The following SPAG16 variants were observed in gnomAD, a reference collection of about 807,000 sequenced individuals.
SPAG16 encodes the protein sperm-associated antigen 16 protein.
SPAG16 carries 86 observed loss-of-function variants against 80.4 expected under a neutral mutation model. That is an observed-to-expected ratio of 1.07 (90% CI 0.90 to 1.28). The LOEUF (loss-of-function observed/expected upper bound fraction) is 1.28. SPAG16 is among the 50% of genes most tolerant of loss of function. SPAG16 has a pLI of 0.00. For missense variants in SPAG16, 870 were observed against 765.3 expected (o/e 1.14, Z -1.61); for synonymous variants, 294 against 265.9 (o/e 1.11, Z -1.03).
At chr2:214,145,127 A>C (rs1363356566) in intron 14 of SPAG16, among the ~76,000 whole-genome samples, 1 of 152,058 alleles carries the variant, frequency 6.6e-6, no homozygotes. Context: ...TATTTATTTA[A>C]ATTATTAATG....
chr2:214,113,592 C>T (rs1200057365), intron 14 of SPAG16, among the ~76,000 whole-genome samples: 1 of 152,126 alleles, frequency 6.6e-6, no homozygotes, highest in Non-Finnish European at 1.5e-5. Flanking sequence ...CACTGATACC[C>T]TTTCTTCCAC....
chr2:214,082,427 A>C lies in SPAG16; in HGVS notation c.1528-25769A>C, dbSNP rs1354775073. On this transcript the variant is annotated intron_variant, in intron 13 of 15. Coordinates refer to ENST00000331683, the MANE Select transcript of SPAG16 (RefSeq NM_024532.5). ...TTGGGAACCTGATACGTTGACTCTT[A>C]ATACTACTTTAGTTATACTGCCATT... Among the ~76,000 whole-genome samples the C allele has an allele frequency of 3.9e-5, 6 of 152,190 alleles. 1 individual carries two copies. In the South Asian group the frequency reaches 6.2e-4, roughly 16 times the overall value.
chr2:213,497,970 A>T (rs1023048903), intron 10 of SPAG16, among the ~76,000 whole-genome samples: 1 of 152,182 alleles, frequency 6.6e-6, no homozygotes, highest in African/African-American at 2.4e-5. Context: ...ACTGTATAAC[A>T]GAAAGGGAAA....
At chr2:214,403,805 G>A (rs77140293) in intron 15 of SPAG16, among the ~76,000 whole-genome samples, 2,130 of 152,246 alleles carry the variant, frequency 0.014, 27 homozygotes, top group Non-Finnish European at 0.021. Context: ...GAGTAATCAC[G>A]AAGTTAAGAA....
At chr2:213,398,473 C>T (rs188209887) in intron 9 of SPAG16, among the ~76,000 whole-genome samples, 3 of 152,294 alleles carry the variant, frequency 2.0e-5, no homozygotes, top group African/African-American at 4.8e-5. Flanking sequence ...ACACTAGCCT[C>T]CTACAAATTC....
At chr2:213,795,046 C>T (rs913783986) in intron 10 of SPAG16, among the ~76,000 whole-genome samples, 4 of 152,004 alleles carry the variant, frequency 2.6e-5, no homozygotes, top group African/African-American at 9.7e-5. Context: ...ATAATTGAGC[C>T]GATGAGAATA....
chr2:214,115,876 C>CAAAAAA (rs34111831), intron 14 of SPAG16, among the ~76,000 whole-genome samples: 2 of 66,136 alleles, frequency 3.0e-5, no homozygotes. Flanking sequence ...GACTCCATCT[C>CAAAAAA]AAAAAAAAAA....
At chr2:213,367,997 TC>T (rs2066410084) in intron 8 of SPAG16, among the ~76,000 whole-genome samples, 1 of 147,604 alleles carries the variant, frequency 6.8e-6, no homozygotes, top group South Asian at 2.2e-4. Flanking sequence ...GTTTCAGCTT[TC>T]TACATATGGC....
chr2:214,333,644 A>C (rs147305067), intron 15 of SPAG16, among the ~76,000 whole-genome samples: 2 of 152,328 alleles, frequency 1.3e-5, no homozygotes, highest in Non-Finnish European at 2.9e-5. Flanking sequence ...CAGAGAACAT[A>C]ATCAGGAGAT....
chr2:213,339,313 A>G (rs1007117888), intron 5 of SPAG16, among the ~76,000 whole-genome samples: 2 of 152,192 alleles, frequency 1.3e-5, no homozygotes, highest in East Asian at 3.8e-4. Flanking sequence ...TTCTGTTTCA[A>G]TCCTAATATG....
rs112868870 is a variant in SPAG16 at position 213,755,876 on chromosome 2, A to C, written c.1071-106609A>C. Among the ~76,000 whole-genome samples the C allele has an allele frequency of 8.5e-5, 13 of 152,362 alleles. 1 individual carries two copies. The highest frequency in any genetic ancestry group is 2.4e-4 in the African/African-American group (10 of 41,590). ...TTCTGTGACCAAATTATTCAGACATATATGATAAAATATTATAAAATAGTA... is the reference window on the plus strand; with the variant it reads ...TTCTGTGACCAAATTATTCAGACATCTATGATAAAATATTATAAAATAGTA... On this transcript the variant is annotated intron_variant, in intron 10 of 15. Transcript: ENST00000331683.
intron 10 of SPAG16, among the ~76,000 whole-genome samples, chr2:213,573,369 A>G (rs2059998642): frequency 6.6e-6 from 1 of 152,228 alleles, no homozygotes; most frequent in African/African-American, 2.4e-5. Flanking sequence ...ATAATTTTTG[A>G]CATCTCTCTG....
intron 15 of SPAG16, among the ~76,000 whole-genome samples, chr2:214,359,326 G>T (rs541607816): frequency 6.6e-6 from 1 of 151,812 alleles, no homozygotes; most frequent in African/African-American, 2.4e-5. Flanking sequence ...CTGCCTGACT[G>T]CAGATCCTAT....
chr2:214,083,214 A>G (rs543935116), intron 13 of SPAG16, among the ~76,000 whole-genome samples: 20 of 152,278 alleles, frequency 1.3e-4, no homozygotes, highest in Non-Finnish European at 2.5e-4. Context: ...TGAAAGTTTT[A>G]GAAGAATACT....
chr2:214,096,951 T>C (rs577858993), intron 13 of SPAG16, among the ~76,000 whole-genome samples: 26 of 152,196 alleles, frequency 1.7e-4, no homozygotes, highest in Admixed American at 4.6e-4. Context: ...TTTAACAACC[T>C]GTAAACCCAT....
intron 13 of SPAG16, among the ~76,000 whole-genome samples, chr2:214,048,573 G>T (rs2049466779): frequency 6.6e-6 from 1 of 151,884 alleles, no homozygotes; most frequent in Non-Finnish European, 1.5e-5. Context: ...TAGTAGACGG[G>T]TGGCGGGGGG....
intron 4 of SPAG16, among the ~76,000 whole-genome samples, chr2:213,313,418 T>C (rs1415704651): frequency 6.6e-6 from 1 of 151,842 alleles, no homozygotes; most frequent in Non-Finnish European, 1.5e-5. Flanking sequence ...ATTATTTCAT[T>C]TACTTCTCCC....
At chr2:214,334,852 G>A (rs1194083999) in intron 15 of SPAG16, among the ~76,000 whole-genome samples, 1 of 152,102 alleles carries the variant, frequency 6.6e-6, no homozygotes, top group Non-Finnish European at 1.5e-5. Flanking sequence ...GCATTAATGG[G>A]GTCCTCATTG....
intron 10 of SPAG16, among the ~76,000 whole-genome samples, chr2:213,611,616 A>G (rs1377504690): frequency 6.6e-6 from 1 of 152,128 alleles, no homozygotes; most frequent in East Asian, 1.9e-4. Flanking sequence ...TAAATGCTCT[A>G]TTTTTAGGAG....
Sources: gnomAD v4.1 joint callset for allele counts (sites outside exome capture counted in the v4.1 genomes callset) on GRCh38, gnomAD v4.1.1 for gene constraint, MANE v1.5 for transcripts, NCBI Gene and HGNC (gene_info 2026-07-23, HGNC 2026-07-21) for gene names.